The following PPFIA2 variants were observed in gnomAD, a reference collection of about 807,000 sequenced individuals.
The protein encoded by PPFIA2 is liprin-alpha-2.
Under a neutral mutation model 175.5 loss-of-function variants are expected in PPFIA2, and 46 were observed. The observed-to-expected ratio is 0.26, with a 90% CI of 0.21 to 0.34. The LOEUF is 0.34. PPFIA2 is among the 10% of genes least tolerant of loss of function. The probability of loss-of-function intolerance (pLI) is 1.00; values close to 1 mark genes in which losing one functional copy is unlikely to be tolerated. For synonymous variants in PPFIA2, 568 were observed against 511.4 expected, an observed-to-expected ratio of 1.11 and a Z score of -1.49; for missense variants, 1,179 against 1,506.1, an observed-to-expected ratio of 0.78 and a Z score of 3.60.
At chr12:81,402,566 T>G (rs1028345110) in intron 8 of PPFIA2, among the ~76,000 whole-genome samples, 2 of 152,214 alleles carry the variant, frequency 1.3e-5, no homozygotes, top group African/African-American at 4.8e-5. Flanking sequence ...TAAAAAAATG[T>G]GGTATAGCTG....
In PPFIA2 at chr12:81,267,905, G is replaced by GCTGT. The variant is rs2037806946; in HGVS notation, c.3486+6_3486+7insACAG. On this transcript the variant is annotated splice_region_variant and intron_variant, in intron 29 of 32. Transcript: ENST00000549396. ...ACACATTGAGACTACAGCAGAAAGT[G>GCTGT]ACTTGCCTGGGTGTTCTGTGTTGGA... 1 of 1,583,628 alleles carries GCTGT rather than the reference G, an allele frequency of 6.3e-7. No individual in the cohort carries two copies. Among genetic ancestry groups the GCTGT allele is most frequent in the Non-Finnish European group, 8.6e-7 (1 of 1,162,968 alleles).
chr12:81,630,893 ATATATAT>A (rs2063299494), intron 4 of PPFIA2, among the ~76,000 whole-genome samples: 2 of 61,046 alleles, frequency 3.3e-5, no homozygotes, highest in South Asian at 6.3e-4. Flanking sequence ...ATATATATAT[ATATATAT>A]TTTTTTTTTT....
At chr12:81,571,975 AATGCTGGATC>A (rs2072633832) in intron 4 of PPFIA2, among the ~76,000 whole-genome samples, 1 of 152,076 alleles carries the variant, frequency 6.6e-6, no homozygotes, top group African/African-American at 2.4e-5. Context: ...TGGTAAACCC[AATGCTGGATC>A]ATGTAGTCTT....
intron 4 of PPFIA2, among the ~76,000 whole-genome samples, chr12:81,634,316 T>A (rs932218831): frequency 2.7e-5 from 4 of 150,906 alleles, no homozygotes; most frequent in African/African-American, 9.7e-5. Flanking sequence ...AAGTGACTAA[T>A]CCTATTTTTG....
At chr12:81,590,874 C>T (rs1049386826) in intron 4 of PPFIA2, among the ~76,000 whole-genome samples, 7 of 152,040 alleles carry the variant, frequency 4.6e-5, no homozygotes, top group East Asian at 1.9e-4. Context: ...AGTGTGAAAA[C>T]GGACTAATAC....
intron 3 of PPFIA2, among the ~76,000 whole-genome samples, chr12:81,747,318 G>A (rs1241411653): frequency 6.9e-6 from 1 of 144,222 alleles, no homozygotes; most frequent in African/African-American, 2.4e-5. Flanking sequence ...AAGGGATGTT[G>A]TTTGATGTAA....
intron 4 of PPFIA2, among the ~76,000 whole-genome samples, chr12:81,601,824 A>T (rs2059820788): frequency 6.6e-6 from 1 of 152,026 alleles, no homozygotes; most frequent in South Asian, 2.1e-4. Context: ...AAGAGATTTA[A>T]ATTACAGTAC....
chr12:81,483,728 C>G (rs537705491), intron 4 of PPFIA2, among the ~76,000 whole-genome samples: 96 of 151,808 alleles, frequency 6.3e-4, no homozygotes, highest in Non-Finnish European at 1.2e-3. Context: ...AAAAAACTAT[C>G]TAAGGTATTT....
chr12:81,624,623 T>G (rs2153486183), intron 4 of PPFIA2, among the ~76,000 whole-genome samples: 1 of 146,436 alleles, frequency 6.8e-6, no homozygotes, highest in South Asian at 2.1e-4. Flanking sequence ...TAATTATATA[T>G]ATAATATATA....
intron 4 of PPFIA2, among the ~76,000 whole-genome samples, chr12:81,569,026 A>T (rs911119038): frequency 6.6e-6 from 1 of 152,184 alleles, no homozygotes; most frequent in Admixed American, 6.5e-5. Context: ...ACTTTTCTTC[A>T]TAATGGTATT....
At chr12:81,515,300 G>C (rs750883761) in intron 4 of PPFIA2, among the ~76,000 whole-genome samples, 135 of 151,852 alleles carry the variant, frequency 8.9e-4, no homozygotes, top group Admixed American at 4.6e-4. Flanking sequence ...AACCTTTCCT[G>C]TAGGATAGAA....
At chr12:81,677,014 A>G (rs1357154551) in intron 3 of PPFIA2, among the ~76,000 whole-genome samples, 170 bp from the exon 4 acceptor site, 1 of 152,006 alleles carries the variant, frequency 6.6e-6, no homozygotes, top group Non-Finnish European at 1.5e-5. Flanking sequence ...CTACATCTAA[A>G]CATCTAGATA....
Position 81,363,318 on chromosome 12 carries a change from G to A in PPFIA2, c.1546-534C>T, listed in dbSNP as rs149621931. On this transcript the variant is annotated intron_variant, in intron 14 of 32. Transcript: ENST00000549396. ...TAATTTATTTATTTATTTAAAGACA[G>A]GGCCTCACTCTGTCACTGAGGCTGG... Among the ~76,000 whole-genome samples, 557 of 151,276 alleles carry A rather than the reference G, an allele frequency of 3.7e-3. 3 individuals are homozygous for A. Among genetic ancestry groups the A allele is most frequent in the African/African-American group, 0.013 (528 of 41,372 alleles).
chr12:81,494,805 G>C (rs1427755652), intron 4 of PPFIA2, among the ~76,000 whole-genome samples: 5 of 151,776 alleles, frequency 3.3e-5, no homozygotes, highest in African/African-American at 1.2e-4. Context: ...GGACATGGAT[G>C]AAATTGGAAA....
intron 7 of PPFIA2, among the ~76,000 whole-genome samples, chr12:81,410,558 C>A (rs1441193359): frequency 2.0e-5 from 3 of 152,084 alleles, no homozygotes; most frequent in Non-Finnish European, 4.4e-5. Flanking sequence ...TATTTCACAA[C>A]TGTTTTTAAT....
intron 4 of PPFIA2, among the ~76,000 whole-genome samples, chr12:81,534,550 T>C (rs1265333888): frequency 1.1e-4 from 17 of 151,756 alleles, no homozygotes; most frequent in Non-Finnish European, 1.9e-4. Flanking sequence ...TTACTTTTCA[T>C]TCTTTTAAAA....
intron 8 of PPFIA2, among the ~76,000 whole-genome samples, chr12:81,391,115 C>A (rs184804932): frequency 1.9e-4 from 29 of 151,936 alleles, no homozygotes; most frequent in Non-Finnish European, 3.4e-4. Flanking sequence ...CACAAATAGG[C>A]AAGGATATGC....
intron 5 of PPFIA2, among the ~76,000 whole-genome samples, chr12:81,455,658 T>C (rs557316907): frequency 6.6e-6 from 1 of 152,254 alleles, no homozygotes; most frequent in Non-Finnish European, 1.5e-5. Flanking sequence ...TTGTACGGAT[T>C]CTGTCACCAA....
At chr12:81,662,486 C>A (rs1177826576) in intron 4 of PPFIA2, among the ~76,000 whole-genome samples, 3 of 152,100 alleles carry the variant, frequency 2.0e-5, no homozygotes, top group Admixed American at 6.5e-5. Context: ...ATACACCCTC[C>A]CAAGACTAAA....
Sources: gnomAD v4.1 joint callset for allele counts (sites outside exome capture counted in the v4.1 genomes callset) on GRCh38, gnomAD v4.1.1 for gene constraint, MANE v1.5 for transcripts, NCBI Gene and HGNC (gene_info 2026-07-23, HGNC 2026-07-21) for gene names.